Variants in SLC4A3 observed in about 807,000 individuals in gnomAD.
SLC4A3 encodes the protein solute carrier family 4 member 3.
In SLC4A3, 47 loss-of-function variants were observed where a neutral mutation model predicts 114.2. That is an observed-to-expected ratio of 0.41 (90% confidence interval 0.33 to 0.52). SLC4A3 has a LOEUF of 0.52. Among genes scored for constraint, SLC4A3 ranks in the 20% least tolerant of loss-of-function variants. The pLI, the probability that SLC4A3 is intolerant of heterozygous loss-of-function variation, is 0.21. For missense variants in SLC4A3, 1,312 were observed against 1,668.3 expected, an observed-to-expected ratio of 0.79 and a Z score of 3.72; for synonymous variants, 693 against 710.3, an observed-to-expected ratio of 0.98 and a Z score of 0.39.
In SLC4A3 at chr2:219,640,841, C is replaced by T; in HGVS notation, c.3500C>T (p.Ala1167Val). Reference sequence around the variant, plus strand: ...ACCTGCATCCAGCTGGGCTGCATCGCACTGCTCTGGGTGGTCAAGTCCACG... The same window carrying T: ...ACCTGCATCCAGCTGGGCTGCATCGTACTGCTCTGGGTGGTCAAGTCCACG... ...LFTCIQLGCI[A>V]LLWVVKSTAA... The change falls in exon 22 of 23, where the codon GCA becomes GTA. Residue 1167 changes from alanine (A) to valine (V), a missense_variant. By Grantham distance (64) the Ala-to-Val change is moderately conservative. Transcript: ENST00000358055. 1 of 1,612,654 alleles carries T rather than the reference C, an allele frequency of 6.2e-7. No homozygotes were observed. Among genetic ancestry groups the T allele is most frequent in the Non-Finnish European group, 8.5e-7 (1 of 1,180,026 alleles).
rs968930289 is a variant in SLC4A3, at chr2:219,638,566, A to G, written c.2857-137A>G. 4.8e-6 allele frequency: 4 copies of G among 830,052 alleles called. No homozygotes were observed. The highest frequency in any genetic ancestry group is 7.4e-6 in the Non-Finnish European group (4 of 538,432). 51.4% of individuals were successfully genotyped at this position (830,052 alleles called of 1,614,324 possible). ...AAGGACAGTGACTTCTGGAGGATGC[A>G]AAACTAATTTTCCCCTGACCTGTTC... On this transcript the variant is annotated intron_variant, in intron 18 of 22. Transcript: ENST00000358055. The surrounding 1 kb of genome is among the most constrained non-coding windows in gnomAD (Gnocchi z 7.5).
rs1699305175 is a variant in SLC4A3 at position 219,640,879 on chromosome 2, G to A, written c.3538G>A (p.Ala1180Thr). 6 of 1,611,902 alleles carry A rather than the reference G, an allele frequency of 3.7e-6. No individual in the cohort carries two copies. Among genetic ancestry groups the A allele is most frequent in the Non-Finnish European group, 4.2e-6 (5 of 1,180,020 alleles). ...GGTCAAGTCCACGGCGGCCTCACTC[G>A]CCTTTCCCTTCCTGCTGCTGCTCAC... Reference protein sequence around the residue: ...WVVKSTAASLAFPFLLLLTVP... With the variant: ...WVVKSTAASLTFPFLLLLTVP... The change falls in exon 22 of 23, where the codon GCC becomes ACC. Residue 1180 changes from alanine (A) to threonine (T), a missense_variant. Transcript: ENST00000358055.
In SLC4A3 at chr2:219,635,775, G is replaced by A. The variant is rs776264830; in HGVS notation, c.2075G>A (p.Arg692Gln). ...GGGCTTGTGCGGGATGTGAGGCGCC[G>A]GTACCCGCACTACCCCAGTGACCTG... ...FGGLVRDVRRRYPHYPSDLRD... is the reference protein window; with the variant it reads ...FGGLVRDVRRQYPHYPSDLRD... The change falls in exon 14 of 23, where the codon CGG becomes CAG. Residue 692 changes from arginine to glutamine, a missense_variant. By Grantham distance (43) the Arg-to-Gln change is conservative. This residue lies in a region of SLC4A3 where 771 missense variants were observed against 977.7 expected (regional missense o/e 0.79). Transcript: ENST00000358055. 2.5e-6 allele frequency: 4 copies of A among 1,593,818 alleles called. No homozygotes were observed. Among genetic ancestry groups the A allele is most frequent in the South Asian group, 1.1e-5 (1 of 87,592 alleles).
At chr2:219,634,084 C>A in intron 11 of SLC4A3, 105 bp downstream of exon 11, 1 of 1,322,948 alleles carries the variant, frequency 7.6e-7, no homozygotes, top group South Asian at 1.5e-5. Context: ...TTCCATCTCC[C>A]TCCAGGCTCC....
At chr2:219,640,994 T>C in intron 22 of SLC4A3, 32 bp downstream of exon 22, 9 of 1,591,426 alleles carry the variant, frequency 5.7e-6, no homozygotes, top group Non-Finnish European at 7.7e-6. Context: ...GAAACAGTGT[T>C]AGGGCAAATG....
chr2:219,639,856 C>A lies in SLC4A3; in HGVS notation c.3277+121C>A. The A allele has an allele frequency of 7.6e-7, 1 of 1,314,022 alleles. No individual in the cohort carries two copies. 81.4% of individuals were successfully genotyped at this position (1,314,022 alleles called of 1,614,324 possible). A position where few individuals can be genotyped will look rare whatever the true frequency, so the allele number is the denominator to read the frequency against. On this transcript the variant is annotated intron_variant, in intron 20 of 22. Transcript: ENST00000358055. The surrounding 1 kb of genome is among the most constrained non-coding windows in gnomAD (Gnocchi z 5.9). Reference sequence around the variant, plus strand: ...CTGTGTGTTGCCCTCAATCTGACCCCCAAACCTGCTTCCCAGCACTCCCCT... The same window carrying A: ...CTGTGTGTTGCCCTCAATCTGACCCACAAACCTGCTTCCCAGCACTCCCCT...
Position 219,641,497 on chromosome 2 carries a change from C to A in SLC4A3, c.3622-154C>A, listed in dbSNP as rs1337080425. 6.6e-6 allele frequency among the ~76,000 whole-genome samples: 1 copy of A among 152,056 alleles called. No homozygotes were observed. Among genetic ancestry groups the A allele is most frequent in the Non-Finnish European group, 1.5e-5 (1 of 68,014 alleles). ...TGGGAGGTGACCTGAAGGCTTTGGCCAAGGGCAGTGCTGCCACCCAGGGTC... is the reference window on the plus strand; with the variant it reads ...TGGGAGGTGACCTGAAGGCTTTGGCAAAGGGCAGTGCTGCCACCCAGGGTC... On this transcript the variant is annotated intron_variant, in intron 22 of 22. Coordinates refer to ENST00000358055, the MANE Select transcript of SLC4A3 (RefSeq NM_005070.4). The surrounding 1 kb of genome is among the most constrained non-coding windows in gnomAD (Gnocchi z 4.0).
chr2:219,636,633 C>A lies in SLC4A3; in HGVS notation c.2341-47C>A. On this transcript the variant is annotated intron_variant, in intron 15 of 22. Coordinates refer to ENST00000358055, the MANE Select transcript of SLC4A3 (RefSeq NM_005070.4). This position sits in a 1 kb window ranked among gnomAD's most constrained non-coding sequence, Gnocchi z 5.5. ...TGCCTATTCCAGGGGGCATTGACAC[C>A]CAGGGCAGTCCACCTGTGGGTAACG... The A allele has an allele frequency of 1.3e-6, 2 of 1,558,346 alleles. No homozygotes were observed. The highest frequency in any genetic ancestry group is 2.1e-4 in the Middle Eastern group (1 of 4,810).
Position 219,632,242 on chromosome 2 carries a change from A to C in SLC4A3, c.961-20A>C. The stretch of plus-strand genomic sequence containing the variant: ...CACACCTGTTGGCCCCTGGGCCCTC[A>C]CCTTTGGCACGCCCCCCAGGTGTTC... On this transcript the variant is annotated intron_variant, in intron 7 of 22. Coordinates refer to ENST00000358055, the MANE Select transcript of SLC4A3 (RefSeq NM_005070.4). 6.2e-7 allele frequency: 1 copy of C among 1,613,042 alleles called. No homozygotes were observed. The highest frequency in any genetic ancestry group is 8.5e-7 in the Non-Finnish European group (1 of 1,179,820).
rs148594896 is a variant in SLC4A3 at position 219,635,308 on chromosome 2, A to C, written c.1784A>C (p.Gln595Pro). ...HEAAYQADDR[Q>P]DLLSAISEFL... ...GCTGCCTACCAGGCAGATGACCGGC[A>C]AGACCTCCTAAGTGCCATCAGCGAG... The change falls in exon 13 of 23, where the codon CAA becomes CCA. Residue 595 changes from glutamine to proline, a missense_variant. Gln to Pro is a moderately conservative substitution (Grantham distance 76). Transcript: ENST00000358055. 1.4e-5 allele frequency: 22 copies of C among 1,614,014 alleles called. No homozygotes were observed. Among genetic ancestry groups the C allele is most frequent in the Non-Finnish European group, 1.5e-5 (18 of 1,180,024 alleles).
In SLC4A3 at chr2:219,639,661, C is replaced by T. The variant is rs748243464; in HGVS notation, c.3203C>T (p.Ala1068Val). ...TTGACAGTGATGCGTACTGCCATCG[C>T]GCCTGGTGACAAGCCCCAGATCCAG... The part of the protein sequence containing the change: ...NALTVMRTAI[A>V]PGDKPQIQEV... The change falls in exon 20 of 23, where the codon GCG (alanine) becomes GTG (valine). Residue 1068 changes from alanine to valine, a missense_variant. This residue lies in a region of SLC4A3 where 301 missense variants were observed against 460.7 expected (regional missense o/e 0.65). Coordinates refer to ENST00000358055, the MANE Select transcript of SLC4A3 (RefSeq NM_005070.4). The surrounding 1 kb of genome is among the most constrained non-coding windows in gnomAD (Gnocchi z 5.9). 5 of 1,613,180 alleles carry T rather than the reference C, an allele frequency of 3.1e-6. No individual in the cohort carries two copies. Among genetic ancestry groups the T allele is most frequent in the Admixed American group, 1.7e-5 (1 of 60,030 alleles).
At position 219,639,438 on chromosome 2, in the gene SLC4A3, CCT is replaced by C. The variant is rs749855576; in HGVS notation, c.3024-43_3024-42del. The C allele has an allele frequency of 6.3e-7, 1 of 1,595,572 alleles. No individual in the cohort carries two copies. Among genetic ancestry groups the C allele is most frequent in the Non-Finnish European group, 8.5e-7 (1 of 1,171,934 alleles). On this transcript the variant is annotated intron_variant, in intron 19 of 22. Transcript: ENST00000358055. The surrounding 1 kb of genome is among the most constrained non-coding windows in gnomAD (Gnocchi z 5.9). The stretch of plus-strand genomic sequence containing the variant: ...TGCGTGCCTGTCTTTGTCCCCTGCC[CCT>C]GCCAGGCCAGCCACACCCCGCTCCC...
At chr2:219,627,842 C>A in intron 1 of SLC4A3, 58 bp from the exon 2 acceptor site, 1 of 606,968 alleles carries the variant, frequency 1.6e-6, no homozygotes, top group South Asian at 2.1e-5. Context: ...GAGCGTGCAT[C>A]CGGCTCCCGG....
At chr2:219,634,278 C>T (rs1002888139) in intron 11 of SLC4A3, 142 bp from the exon 12 acceptor site, 40 of 792,514 alleles carry the variant, frequency 5.0e-5, no homozygotes, top group South Asian at 1.6e-4. Context: ...GACACATAAG[C>T]GAATAGTGCC....
Position 219,640,579 on chromosome 2 carries a change from G to C in SLC4A3, c.3427G>C (p.Glu1143Gln). The C allele has an allele frequency of 6.2e-7, 1 of 1,614,100 alleles. No homozygotes were observed. The highest frequency in any genetic ancestry group is 1.1e-5 in the South Asian group (1 of 91,070). The change falls in exon 21 of 23, where the codon GAG becomes CAG. Residue 1143 changes from glutamate (E) to glutamine (Q), a missense_variant. Glu to Gln is a conservative substitution (Grantham distance 29, BLOSUM62 2). Coordinates refer to ENST00000358055, the MANE Select transcript of SLC4A3 (RefSeq NM_005070.4). ...LILMPAKHHP[E>Q]QPYVTKVKTW... The stretch of plus-strand genomic sequence containing the variant: ...CCTCATGCCGGCAAAACACCATCCT[G>C]AGCAGCCCTATGTGACCAAGGTAGG...
chr2:219,628,840 G>C lies in SLC4A3; in HGVS notation c.217+270G>C. ...CACGGTGACCTTCCCCTTCCCCTTC[G>C]TCCCCACTCACTCCCTCCTTGTCCC... On this transcript the variant is annotated intron_variant, in intron 3 of 22. Transcript: ENST00000358055. The surrounding 1 kb of genome is among the most constrained non-coding windows in gnomAD (Gnocchi z 4.8). The C allele has an allele frequency of 3.4e-6, 2 of 579,722 alleles. No individual in the cohort carries two copies. Among genetic ancestry groups the C allele is most frequent in the South Asian group, 4.7e-5 (2 of 42,974 alleles). 35.9% of individuals were successfully genotyped at this position (579,722 alleles called of 1,614,324 possible).
rs916454789 is a variant in SLC4A3 at position 219,639,816 on chromosome 2, G to A, written c.3277+81G>A. The A allele has an allele frequency of 6.5e-7, 1 of 1,537,762 alleles. No homozygotes were observed. The highest frequency in any genetic ancestry group is 1.4e-5 in the African/African-American group (1 of 73,728). ...TCTTCACTATCCCAGGCTTGACCCT[G>A]AATCTCCCAATGTGCTGTGTGTTGC... On this transcript the variant is annotated intron_variant, in intron 20 of 22. Transcript: ENST00000358055. The surrounding 1 kb of genome is among the most constrained non-coding windows in gnomAD (Gnocchi z 5.9).
chr2:219,628,046 G>T lies in SLC4A3; in HGVS notation c.51+3G>T. ...GGGGCGCCTCCCCCCTACCCCAGGTGATCGGCGCGCGCGGGGGCGGGGGAG... is the reference window on the plus strand; with the variant it reads ...GGGGCGCCTCCCCCCTACCCCAGGTTATCGGCGCGCGCGGGGGCGGGGGAG... On this transcript the variant is annotated splice_donor_region_variant and intron_variant, in intron 2 of 22. Transcript: ENST00000358055. The surrounding 1 kb of genome is among the most constrained non-coding windows in gnomAD (Gnocchi z 4.8). 6.4e-7 allele frequency: 1 copy of T among 1,565,244 alleles called. No homozygotes were observed. Among genetic ancestry groups the T allele is most frequent in the South Asian group, 1.2e-5 (1 of 85,492 alleles).
At chr2:219,629,521 G>C (rs1698843156) in intron 4 of SLC4A3, 59 bp from the exon 5 acceptor site, 1 of 1,586,076 alleles carries the variant, frequency 6.3e-7, no homozygotes, top group Non-Finnish European at 8.7e-7. Context: ...AGGCTGGGTA[G>C]GGTTGGGGGC....
Sources: gnomAD v4.1 joint callset for allele counts (sites outside exome capture counted in the v4.1 genomes callset) on GRCh38, gnomAD v4.1.1 for gene constraint, gnomAD v4.1.1 regional missense constraint, Gnocchi (gnomAD v3.1) non-coding constraint, MANE v1.5 for transcripts, NCBI Gene and HGNC (gene_info 2026-07-23, HGNC 2026-07-21) for gene names.